Variants in PCDHGA6 observed in about 807,000 individuals in gnomAD.
The protein encoded by PCDHGA6 is protocadherin gamma-A6.
PCDHGA6 carries 41 observed loss-of-function variants against 60.6 expected under a neutral mutation model. That is an observed-to-expected ratio of 0.68 (90% CI 0.53 to 0.88). PCDHGA6 has a LOEUF of 0.88. Among genes scored for constraint, PCDHGA6 ranks in the 40% least tolerant of loss-of-function variants. The pLI is 0.00. For synonymous variants in PCDHGA6, 594 were observed against 524.4 expected, an observed-to-expected ratio of 1.13 and a Z score of -1.81; for missense variants, 1,312 against 1,203.0, an observed-to-expected ratio of 1.09 and a Z score of -1.34.
At position 141,476,946 on chromosome 5, in the gene PCDHGA6, G is replaced by A; in HGVS notation, c.2425-17861G>A. ...ACGGATCTGGATGAAGGCCCCAACG[G>A]TGAAATTATTTACTCCTTCGGCAGC... On this transcript the variant is annotated intron_variant, in intron 1 of 3. Transcript: ENST00000517434. The surrounding 1 kb of genome is among the most constrained non-coding windows in gnomAD (Gnocchi z 7.6). The A allele has an allele frequency of 6.2e-7, 1 of 1,614,206 alleles. No individual in the cohort carries two copies. Among genetic ancestry groups the A allele is most frequent in the Non-Finnish European group, 8.5e-7 (1 of 1,180,044 alleles).
At chr5:141,455,634 G>C (rs1429708887) in intron 1 of PCDHGA6, among the ~76,000 whole-genome samples, 1 of 152,110 alleles carries the variant, frequency 6.6e-6, no homozygotes. Context: ...GAGATATGTG[G>C]GGGGCAGCCA....
At chr5:141,478,618 G>A (rs1374855853) in intron 1 of PCDHGA6, 1 of 1,556,056 alleles carries the variant, frequency 6.4e-7, no homozygotes, top group Non-Finnish European at 8.7e-7. Flanking sequence ...GGAAGGAATG[G>A]AGCTGTTTTT....
At chr5:141,428,455 T>C (rs898393760) in intron 1 of PCDHGA6, 61 of 361,572 alleles carry the variant, frequency 1.7e-4, no homozygotes, top group African/African-American at 1.2e-3. Context: ...TTTTCCCAAC[T>C]ACAATGAGGG....
chr5:141,375,505 G>A lies in PCDHGA6; in HGVS notation c.1422G>A (p.Val474=), dbSNP rs551956324. The change falls in exon 1 of 4, where the codon GTG becomes GTA. Residue 474 remains valine, a synonymous_variant. Coordinates refer to ENST00000517434, the MANE Select transcript of PCDHGA6 (RefSeq NM_018919.3). The stretch of plus-strand genomic sequence containing the variant: ...CCAGGGGTGCCTCCATCTTCTCTGT[G>A]AATGCACTGGACCCTGACGTGGACC... ...NNPRGASIFS[V]NALDPDVDQN... The A allele has an allele frequency of 1.5e-5, 25 of 1,613,998 alleles. 1 individual carries two copies. The South Asian group carries it at 2.7e-4, about 18-fold the overall frequency.
chr5:141,494,921 A>C (rs1345734925), intron 2 of PCDHGA6, 56 bp downstream of exon 2: 6 of 1,613,556 alleles, frequency 3.7e-6, no homozygotes, highest in Non-Finnish European at 5.1e-6. Flanking sequence ...CTCAGGGATG[A>C]CGTGGGAGGA....
rs1286991812 is a variant in PCDHGA6 at position 141,432,170 on chromosome 5, C to T, written c.2424+55663C>T. The T allele has an allele frequency of 1.2e-6, 2 of 1,614,072 alleles. No homozygotes were observed. The highest frequency in any genetic ancestry group is 1.7e-6 in the Non-Finnish European group (2 of 1,180,036). ...AGAGAACAATCCCAGAGGAGTTTCC[C>T]TCGTCTCTGTGACCGCCCACGACCC... On this transcript the variant is annotated intron_variant, in intron 1 of 3. Coordinates refer to ENST00000517434, the MANE Select transcript of PCDHGA6 (RefSeq NM_018919.3). This position sits in a 1 kb window ranked among gnomAD's most constrained non-coding sequence, Gnocchi z 6.0.
Position 141,374,444 on chromosome 5 carries a change from G to T in PCDHGA6, c.361G>T (p.Val121Leu). 1 of 1,613,848 alleles carries T rather than the reference G, an allele frequency of 6.2e-7. No individual in the cohort carries two copies. The highest frequency in any genetic ancestry group is 8.5e-7 in the Non-Finnish European group (1 of 1,179,750). Residue 121 changes from valine (V) to leucine (L), a missense_variant, in exon 1 of 4, where the codon GTG becomes TTG. Transcript: ENST00000517434. Reference protein sequence around the residue: ...EDKLNLYPVEVEIVDINDNTP... With the variant: ...EDKLNLYPVELEIVDINDNTP... ...TAAACTGAATCTTTATCCCGTGGAA[G>T]TGGAAATAGTGGACATTAATGACAA...
chr5:141,504,379 G>A lies in PCDHGA6; in HGVS notation c.2484-1014G>A, dbSNP rs181617363. On this transcript the variant is annotated intron_variant, in intron 2 of 3. Transcript: ENST00000517434. ...GCTTCAGTAGGAAGCAGGTGGAGTC[G>A]CTGCCTCACAGAAGCCAGTGTGGTG... Among the ~76,000 whole-genome samples the A allele has an allele frequency of 2.4e-3, 361 of 152,206 alleles. 1 individual carries two copies. The highest frequency in any genetic ancestry group is 0.021 in the Admixed American group (315 of 15,286).
At chr5:141,422,198 A>G (rs2096632774) in intron 1 of PCDHGA6, 1 of 1,562,340 alleles carries the variant, frequency 6.4e-7, no homozygotes, top group Non-Finnish European at 8.6e-7. Flanking sequence ...CAAGGCCAAG[A>G]TGGTGGAGGT....
At chr5:141,424,698 T>G (rs1214214315) in intron 1 of PCDHGA6, 1 of 152,228 alleles carries the variant, frequency 6.6e-6, no homozygotes, top group Non-Finnish European at 1.5e-5. Context: ...GCTATTTTTT[T>G]GTTCATTTTC....
At chr5:141,454,249 C>T (rs1215688507) in intron 1 of PCDHGA6, among the ~76,000 whole-genome samples, 3 of 152,192 alleles carry the variant, frequency 2.0e-5, no homozygotes, top group Non-Finnish European at 4.4e-5. Context: ...ATGAAGATGT[C>T]CCAGAGAAAG....
At chr5:141,390,560 T>C (rs531396970) in intron 1 of PCDHGA6, 1 of 443,156 alleles carries the variant, frequency 2.3e-6, no homozygotes, top group East Asian at 4.1e-5. Context: ...GTTAGACAGT[T>C]GTTGGCTCTC....
At chr5:141,410,362 C>A (rs1270552318) in intron 1 of PCDHGA6, 13 of 1,613,954 alleles carry the variant, frequency 8.1e-6, no homozygotes, top group Non-Finnish European at 1.0e-5. Context: ...GCTCTCTCAG[C>A]CCTGCTACTT....
intron 1 of PCDHGA6, chr5:141,388,909 C>T: frequency 6.2e-7 from 1 of 1,613,902 alleles, no homozygotes. Flanking sequence ...AATGACAACG[C>T]CCCAGAAGTG....
rs1474849292 is a variant in PCDHGA6 at position 141,454,205 on chromosome 5, G to T, written c.2425-40602G>T. Among the ~76,000 whole-genome samples, 3 of 152,154 alleles carry T rather than the reference G, an allele frequency of 2.0e-5. No individual in the cohort carries two copies. The East Asian group carries it at 5.8e-4, about 29-fold the overall frequency. ...GGAGCTTAGTGAAGGTGAATTTATT[G>T]ACATGAATGAGAAAAGTAATTGTGA... On this transcript the variant is annotated intron_variant, in intron 1 of 3. Coordinates refer to ENST00000517434, the MANE Select transcript of PCDHGA6 (RefSeq NM_018919.3).
chr5:141,393,902 G>A, intron 1 of PCDHGA6: 2 of 1,613,968 alleles, frequency 1.2e-6, no homozygotes, highest in Non-Finnish European at 8.5e-7. Context: ...CTCTTCCCGG[G>A]ACAGTAATTG....
intron 1 of PCDHGA6, among the ~76,000 whole-genome samples, chr5:141,460,612 T>C (rs1215147315): frequency 6.6e-6 from 1 of 152,128 alleles, no homozygotes; most frequent in African/African-American, 2.4e-5. Flanking sequence ...GTTAGATGGA[T>C]AGATAGACAG....
Position 141,490,162 on chromosome 5 carries a change from A to C in PCDHGA6, c.2425-4645A>C. ...TGGGGCAATCCATGTGTTGGGTCCC[A>C]TAGACTTTGAGGAGTCACGTTTCTA... On this transcript the variant is annotated intron_variant, in intron 1 of 3. Coordinates refer to ENST00000517434, the MANE Select transcript of PCDHGA6 (RefSeq NM_018919.3). The surrounding 1 kb of genome is among the most constrained non-coding windows in gnomAD (Gnocchi z 5.4). The C allele has an allele frequency of 6.2e-7, 1 of 1,614,218 alleles. No individual in the cohort carries two copies. The highest frequency in any genetic ancestry group is 8.5e-7 in the Non-Finnish European group (1 of 1,180,028).
chr5:141,487,176 A>T lies in PCDHGA6; in HGVS notation c.2425-7631A>T. ...ACTCTCTTAGTGTCCTTAGAGGAAG[A>T]CACTCATCCAGTTGTCCCAGATCTT... On this transcript the variant is annotated intron_variant, in intron 1 of 3. Transcript: ENST00000517434. This position sits in a 1 kb window ranked among gnomAD's most constrained non-coding sequence, Gnocchi z 5.0. 1 of 1,613,774 alleles carries T rather than the reference A, an allele frequency of 6.2e-7. No individual in the cohort carries two copies. Among genetic ancestry groups the T allele is most frequent in the South Asian group, 1.1e-5 (1 of 91,082 alleles).
Sources: allele counts gnomAD v4.1 joint callset (sites outside exome capture counted in the v4.1 genomes callset), GRCh38; gene constraint gnomAD v4.1.1; non-coding constraint Gnocchi (gnomAD v3.1); transcripts MANE v1.5; gene names NCBI Gene and HGNC (gene_info 2026-07-23, HGNC 2026-07-21).